Variants in FAM83B observed in about 807,000 individuals in gnomAD.
The protein encoded by FAM83B is protein FAM83B.
In FAM83B, 26 loss-of-function variants were observed where a neutral mutation model predicts 38.8. That is an observed-to-expected ratio of 0.67 (90% CI 0.49 to 0.93). FAM83B has a LOEUF of 0.93. FAM83B is among the 40% of genes least tolerant of loss of function. The probability of loss-of-function intolerance (pLI) is 0.00; values close to 1 mark genes in which losing one functional copy is unlikely to be tolerated. For missense variants in FAM83B, 1,237 were observed against 1,197.3 expected (o/e 1.03, Z -0.49); for synonymous variants, 419 against 423.1 (o/e 0.99, Z 0.12).
At chr6:54,866,450 T>G (rs1771708705) in intron 1 of FAM83B, among the ~76,000 whole-genome samples, 1 of 152,100 alleles carries the variant, frequency 6.6e-6, no homozygotes, top group Admixed American at 6.6e-5. Context: ...CAAAAATTCC[T>G]CTGATTGCCT....
intron 2 of FAM83B, among the ~76,000 whole-genome samples, chr6:54,871,257 T>A (rs1295091164): frequency 2.0e-5 from 3 of 152,096 alleles, no homozygotes; most frequent in Non-Finnish European, 2.9e-5. Context: ...TATCAAATAT[T>A]TATATTGACT....
intron 4 of FAM83B, among the ~76,000 whole-genome samples, chr6:54,936,488 A>G (rs1244651417): frequency 1.3e-5 from 2 of 152,104 alleles, no homozygotes; most frequent in African/African-American, 2.4e-5. Flanking sequence ...AGAAAAAAAT[A>G]GTTCCTCAAA....
Position 54,870,612 on chromosome 6 carries a change from TCTC to T in FAM83B, c.369_371del (p.Leu124del), listed in dbSNP as rs1308644600. 6.2e-7 allele frequency: 1 copy of T among 1,613,776 alleles called. No individual in the cohort carries two copies. The highest frequency in any genetic ancestry group is 8.5e-7 in the Non-Finnish European group (1 of 1,179,924). On this transcript the variant is annotated inframe_deletion, in exon 2 of 5. Coordinates refer to ENST00000306858, the MANE Select transcript of FAM83B (RefSeq NM_001010872.3). ...GACTCTTAGGGGGCACCCATATAGA[TCTC>T]CTTTTTCATCCACCAAGAGCACATC...
chr6:54,881,991 C>T (rs1418525192), intron 2 of FAM83B, among the ~76,000 whole-genome samples: 1 of 152,154 alleles, frequency 6.6e-6, no homozygotes, highest in African/African-American at 2.4e-5. Flanking sequence ...TCAATTCCCA[C>T]CTATGAGTGA....
intron 2 of FAM83B, among the ~76,000 whole-genome samples, chr6:54,916,942 T>C (rs1773056865): frequency 6.6e-6 from 1 of 152,212 alleles, no homozygotes; most frequent in Non-Finnish European, 1.5e-5. Flanking sequence ...TGCTTTCATT[T>C]GTTGACATTT....
intron 2 of FAM83B, among the ~76,000 whole-genome samples, chr6:54,921,448 C>T (rs1008243300): frequency 1.3e-5 from 2 of 151,456 alleles, no homozygotes; most frequent in Admixed American, 1.3e-4. Flanking sequence ...TCTCGGAGAC[C>T]GTTAATACTA....
intron 1 of FAM83B, among the ~76,000 whole-genome samples, chr6:54,852,899 T>A (rs12192876): frequency 0.2 from 30,174 of 152,058 alleles, 3,081 homozygotes; most frequent in African/African-American, 0.24. Flanking sequence ...CAATACAAAT[T>A]TGTGAACTTT....
At chr6:54,876,565 C>A (rs927218483) in intron 2 of FAM83B, among the ~76,000 whole-genome samples, 2 of 151,638 alleles carry the variant, frequency 1.3e-5, no homozygotes, top group South Asian at 2.1e-4. Context: ...GTGATCCACC[C>A]GCCTCAGCCT....
chr6:54,883,824 C>A (rs1772199799), intron 2 of FAM83B, among the ~76,000 whole-genome samples: 1 of 151,150 alleles, frequency 6.6e-6, no homozygotes, highest in Non-Finnish European at 1.5e-5. Context: ...CTCAGTGTAG[C>A]CCAATTTTTT....
chr6:54,886,136 T>C (rs1190751998), intron 2 of FAM83B, among the ~76,000 whole-genome samples: 1 of 152,120 alleles, frequency 6.6e-6, no homozygotes, highest in Non-Finnish European at 1.5e-5. Context: ...CTGGAATTCA[T>C]TTGAATTAGT....
At chr6:54,938,149 C>T (rs1205057586) in intron 4 of FAM83B, among the ~76,000 whole-genome samples, 1 of 152,102 alleles carries the variant, frequency 6.6e-6, no homozygotes, top group African/African-American at 2.4e-5. Context: ...AGTTACTTCA[C>T]TTAGAATAAT....
intron 2 of FAM83B, among the ~76,000 whole-genome samples, chr6:54,903,884 T>G (rs982963729): frequency 2.6e-5 from 4 of 152,048 alleles, no homozygotes; most frequent in African/African-American, 4.8e-5. Flanking sequence ...TTGCCCCATA[T>G]GCTTATGTAC....
intron 2 of FAM83B, among the ~76,000 whole-genome samples, chr6:54,872,843 G>C (rs1771890797): frequency 6.6e-6 from 1 of 152,078 alleles, no homozygotes; most frequent in African/African-American, 2.4e-5. Context: ...AATCAATGTG[G>C]CATACAAATA....
chr6:54,936,347 C>T (rs1395486509), intron 4 of FAM83B, among the ~76,000 whole-genome samples: 1 of 152,002 alleles, frequency 6.6e-6, no homozygotes, highest in African/African-American at 2.4e-5. Context: ...TATGGATGTT[C>T]TTTTGACATG....
intron 2 of FAM83B, among the ~76,000 whole-genome samples, chr6:54,895,313 C>G (rs1318724152): frequency 1.3e-5 from 2 of 152,290 alleles, no homozygotes; most frequent in East Asian, 3.9e-4. Flanking sequence ...GGGACAGATT[C>G]AATAGCATTT....
intron 2 of FAM83B, among the ~76,000 whole-genome samples, chr6:54,896,913 G>T (rs1772551240): frequency 6.6e-6 from 1 of 152,124 alleles, no homozygotes; most frequent in South Asian, 2.1e-4. Flanking sequence ...AATTATATTT[G>T]TTGAAAAATA....
chr6:54,912,187 G>A (rs1772926142), intron 2 of FAM83B, among the ~76,000 whole-genome samples: 1 of 151,892 alleles, frequency 6.6e-6, no homozygotes, highest in South Asian at 2.1e-4. Context: ...GGCTGTGAAA[G>A]TTTTTGAATT....
At chr6:54,864,550 T>G (rs527703841) in intron 1 of FAM83B, among the ~76,000 whole-genome samples, 14 of 152,316 alleles carry the variant, frequency 9.2e-5, no homozygotes, top group African/African-American at 2.9e-4. Context: ...ATAAGTATTA[T>G]TATGAAGCCA....
At chr6:54,932,734 T>C (rs1004809948) in intron 4 of FAM83B, among the ~76,000 whole-genome samples, 1 of 152,136 alleles carries the variant, frequency 6.6e-6, no homozygotes, top group East Asian at 1.9e-4. Flanking sequence ...TTTTGCTGGA[T>C]TTTTGGTGTT....
Sources: gnomAD v4.1 joint callset for allele counts (sites outside exome capture counted in the v4.1 genomes callset) on GRCh38, gnomAD v4.1.1 for gene constraint, MANE v1.5 for transcripts, NCBI Gene and HGNC (gene_info 2026-07-23, HGNC 2026-07-21) for gene names.